Variants in STRN4 observed in about 807,000 individuals in gnomAD.
STRN4 encodes striatin 4, also known as striatin-4.
Under a neutral mutation model 77.9 loss-of-function variants are expected in STRN4, and 27 were observed. The observed-to-expected ratio is 0.35, with a 90% CI of 0.26 to 0.48. The LOEUF (loss-of-function observed/expected upper bound fraction) is 0.48. STRN4 is among the 20% of genes least tolerant of loss of function. The pLI, the probability that STRN4 is intolerant of heterozygous loss-of-function variation, is 0.99. For missense variants in STRN4, 798 were observed against 1,049.7 expected, an observed-to-expected ratio of 0.76 and a Z score of 3.31; for synonymous variants, 466 against 443.1, an observed-to-expected ratio of 1.05 and a Z score of -0.65.
chr19:46,746,279 C>T lies in STRN4; in HGVS notation c.152G>A (p.Gly51Glu). 1.4e-6 allele frequency: 2 copies of T among 1,453,688 alleles called. No homozygotes were observed. Among genetic ancestry groups the T allele is most frequent in the South Asian group, 2.6e-5 (2 of 76,762 alleles). 90.0% of individuals were successfully genotyped at this position (1,453,688 alleles called of 1,614,324 possible). A position where few individuals can be genotyped will look rare whatever the true frequency, so the allele number is the denominator to read the frequency against. ...PGPAGKGGGG[G>E]GSPGPTAGPE... ...GCCCGCCGTGGGCCCGGGGCTGCCT[C>T]CGCCGCCGCCTCCCTTACCTGCCGG... The change falls in exon 1 of 18, where the codon GGA (glycine) becomes GAA (glutamate). Residue 51 changes from glycine (G) to glutamate (E), a missense_variant. By Grantham distance (98) the Gly-to-Glu change is moderately conservative. Transcript: ENST00000263280.
chr19:46,725,054 G>A, intron 11 of STRN4, 126 bp from the exon 12 acceptor site: 10 of 1,427,014 alleles, frequency 7.0e-6, no homozygotes, highest in Non-Finnish European at 9.5e-6. Context: ...CTGGGGCTCT[G>A]GCCATGCTAC....
chr19:46,741,319 T>A lies in STRN4; in HGVS notation c.283-2431A>T, dbSNP rs1341619742. Among the ~76,000 whole-genome samples, 1 of 152,158 alleles carries A rather than the reference T, an allele frequency of 6.6e-6. No individual in the cohort carries two copies. Among genetic ancestry groups the A allele is most frequent in the Non-Finnish European group, 1.5e-5 (1 of 68,012 alleles). The stretch of plus-strand genomic sequence containing the variant: ...CCAACCAGACCTGTCACTGGCTGGG[T>A]TCCCCCTTCATCCCTCTGCTGCCTC... On this transcript the variant is annotated intron_variant, in intron 1 of 17. Coordinates refer to ENST00000263280, the MANE Select transcript of STRN4 (RefSeq NM_013403.3). The surrounding 1 kb of genome is among the most constrained non-coding windows in gnomAD (Gnocchi z 4.9).
chr19:46,745,325 T>A (rs191333935), intron 1 of STRN4, among the ~76,000 whole-genome samples: 1 of 152,198 alleles, frequency 6.6e-6, no homozygotes, highest in African/African-American at 2.4e-5. Flanking sequence ...CTAGGGTACA[T>A]TCCCTGCTCT....
At position 46,723,312 on chromosome 19, in the gene STRN4, CTG is replaced by C; in HGVS notation, c.1595-30_1595-29del. ...GCACCCACCGCAGGGAGGAAATGGGCTGTGTCAGGGCTGCCAGCTCCTCCCTG... is the reference window on the plus strand; with the variant it reads ...GCACCCACCGCAGGGAGGAAATGGGCTGTCAGGGCTGCCAGCTCCTCCCTG... On this transcript the variant is annotated intron_variant, in intron 12 of 17. Transcript: ENST00000263280. This position sits in a 1 kb window ranked among gnomAD's most constrained non-coding sequence, Gnocchi z 5.5. 8 of 1,522,172 alleles carry C rather than the reference CTG, an allele frequency of 5.3e-6. No homozygotes were observed. Among genetic ancestry groups the C allele is most frequent in the Non-Finnish European group, 7.0e-6 (8 of 1,134,954 alleles). 94.3% of individuals were successfully genotyped at this position (1,522,172 alleles called of 1,614,324 possible).
chr19:46,745,055 C>T (rs1021884164), intron 1 of STRN4, among the ~76,000 whole-genome samples: 7 of 151,316 alleles, frequency 4.6e-5, no homozygotes, highest in Non-Finnish European at 8.8e-5. Context: ...ACCCCCGTTC[C>T]GAGATGCCTC....
chr19:46,742,341 G>A (rs760105963), intron 1 of STRN4, among the ~76,000 whole-genome samples: 3 of 152,000 alleles, frequency 2.0e-5, no homozygotes, highest in South Asian at 2.1e-4. Flanking sequence ...AGGGTCGCAC[G>A]GCAGGTCTTC....
chr19:46,728,724 GTCGTCTTCCTCATCC>G lies in STRN4; in HGVS notation c.918_932del (p.Glu306_Asp310del). 1 of 1,614,198 alleles carries G rather than the reference GTCGTCTTCCTCATCC, an allele frequency of 6.2e-7. No homozygotes were observed. Among genetic ancestry groups the G allele is most frequent in the Non-Finnish European group, 8.5e-7 (1 of 1,180,012 alleles). On this transcript the variant is annotated inframe_deletion, in exon 7 of 18. Transcript: ENST00000263280. Reference sequence around the variant, plus strand: ...CAAACTCATTGATAGCATCCTCAGAGTCGTCTTCCTCATCCTCGTCTTCCATTTCGGGCACCAGAG... The same window carrying G: ...CAAACTCATTGATAGCATCCTCAGAGTCGTCTTCCATTTCGGGCACCAGAG...
intron 8 of STRN4, 119 bp downstream of exon 8, chr19:46,727,775 A>AGGCTGCAGACTGGAGGCTGGGC: frequency 1.1e-6 from 1 of 945,700 alleles, no homozygotes; most frequent in South Asian, 1.7e-5. Context: ...TGGGGCAGGG[A>AGGCTGCAGACTGGAGGCTGGGC]GGCTGCAGAC....
chr19:46,743,731 C>T (rs1030382418), intron 1 of STRN4, among the ~76,000 whole-genome samples: 1 of 152,044 alleles, frequency 6.6e-6, no homozygotes, highest in Non-Finnish European at 1.5e-5. Context: ...AAAACCCCAT[C>T]TCTACTAAAA....
rs1041010259 is a variant in STRN4, at chr19:46,745,871, C to G, written c.282+278G>C. The G allele has an allele frequency of 5.1e-5, 17 of 333,840 alleles. No homozygotes were observed. The South Asian group carries it at 1.1e-3, about 21-fold the overall frequency. The allele number at this position is 333,840 out of a possible 1,614,324, so 20.7% of individuals were successfully genotyped here. Reference sequence around the variant, plus strand: ...TCCCACTCCCAGCTGGTTGTGGTCCCTCCGCCCCTTTCTCTCGGCCGGTCC... The same window carrying G: ...TCCCACTCCCAGCTGGTTGTGGTCCGTCCGCCCCTTTCTCTCGGCCGGTCC... On this transcript the variant is annotated intron_variant, in intron 1 of 17. Coordinates refer to ENST00000263280, the MANE Select transcript of STRN4 (RefSeq NM_013403.3).
Position 46,733,025 on chromosome 19 carries a change from G to A in STRN4, c.737+14C>T, listed in dbSNP as rs758978604. On this transcript the variant is annotated intron_variant, in intron 5 of 17. Transcript: ENST00000263280. This position sits in a 1 kb window ranked among gnomAD's most constrained non-coding sequence, Gnocchi z 4.3. ...AGGAACAGAGAGACACACCTGCCAT[G>A]TCCACGGGCTCACCTCTTTATCTGC... The A allele has an allele frequency of 6.2e-7, 1 of 1,602,040 alleles. No homozygotes were observed. Among genetic ancestry groups the A allele is most frequent in the Admixed American group, 1.7e-5 (1 of 59,482 alleles).
chr19:46,737,894 A>G (rs1322104636), intron 3 of STRN4, among the ~76,000 whole-genome samples: 1 of 150,834 alleles, frequency 6.6e-6, no homozygotes, highest in Non-Finnish European at 1.5e-5. Flanking sequence ...CCTGGCGCCC[A>G]CTCCTCGCAA....
rs2054424725 is a variant in STRN4, at chr19:46,738,977, CCA to C, written c.283-91_283-90del. On this transcript the variant is annotated intron_variant, in intron 1 of 17. Coordinates refer to ENST00000263280, the MANE Select transcript of STRN4 (RefSeq NM_013403.3). This position sits in a 1 kb window ranked among gnomAD's most constrained non-coding sequence, Gnocchi z 4.5. The stretch of plus-strand genomic sequence containing the variant: ...TCACTCACCCAGGTATAGTGCCAGC[CCA>C]CAGTCACCCCACAGTAATGGGCAGC... 3.7e-6 allele frequency: 4 copies of C among 1,076,940 alleles called. No homozygotes were observed. Among genetic ancestry groups the C allele is most frequent in the East Asian group, 4.8e-5 (2 of 41,684 alleles). The allele number at this position is 1,076,940 out of a possible 1,614,324, so 66.7% of individuals were successfully genotyped here.
chr19:46,725,472 C>A lies in STRN4; in HGVS notation c.1424+1G>T. The A allele has an allele frequency of 6.2e-7, 1 of 1,613,982 alleles. No homozygotes were observed. The highest frequency in any genetic ancestry group is 8.5e-7 in the Non-Finnish European group (1 of 1,179,948). ...CCCGGCTCTGAGCTTGCTGCCCTCA[C>A]TTCTTGGCCGTGACCGCCTTCTGCA... On this transcript the variant is annotated splice_donor_variant, in intron 10 of 17. Coordinates refer to ENST00000263280, the MANE Select transcript of STRN4 (RefSeq NM_013403.3). LOFTEE classifies it high-confidence loss of function.
rs556278479 is a variant in STRN4 at position 46,741,938 on chromosome 19, G to A, written c.283-3050C>T. ...AGCTGAAGTGGGCAGGGGCAGCTCC[G>A]CACATTCTCTGCTGGCACCGCACTC... is the stretch of plus-strand genomic sequence containing the variant. On this transcript the variant is annotated intron_variant, in intron 1 of 17. Coordinates refer to ENST00000263280, the MANE Select transcript of STRN4 (RefSeq NM_013403.3). This position sits in a 1 kb window ranked among gnomAD's most constrained non-coding sequence, Gnocchi z 4.9. 2.3e-4 allele frequency among the ~76,000 whole-genome samples: 35 copies of A among 152,206 alleles called. No individual in the cohort carries two copies. The highest frequency in any genetic ancestry group is 4.9e-4 in the Non-Finnish European group (33 of 68,028).
chr19:46,725,726 G>A, intron 9 of STRN4, 78 bp from the exon 10 acceptor site: 1 of 1,541,752 alleles, frequency 6.5e-7, no homozygotes, highest in Non-Finnish European at 8.8e-7. Flanking sequence ...CAGGGCTTGA[G>A]GGCCCCTGTC....
In STRN4 at chr19:46,738,146, G is replaced by T. The variant is rs1190789752; in HGVS notation, c.460+18C>A. 1 of 1,613,074 alleles carries T rather than the reference G, an allele frequency of 6.2e-7. No individual in the cohort carries two copies. Among genetic ancestry groups the T allele is most frequent in the Non-Finnish European group, 8.5e-7 (1 of 1,179,098 alleles). ...CTGCGGGAGGGTGCCGACAGTGCGA[G>T]CATCAGAGGGTGGGTACCTTGTTCT... On this transcript the variant is annotated intron_variant, in intron 3 of 17. Transcript: ENST00000263280. This position sits in a 1 kb window ranked among gnomAD's most constrained non-coding sequence, Gnocchi z 4.5.
At chr19:46,744,836 C>T (rs1424253665) in intron 1 of STRN4, among the ~76,000 whole-genome samples, 2 of 151,988 alleles carry the variant, frequency 1.3e-5, no homozygotes, top group Non-Finnish European at 2.9e-5. Flanking sequence ...TTCAGACTTC[C>T]AGCGGGCCAT....
At chr19:46,724,316 T>G (rs998096179) in intron 12 of STRN4, among the ~76,000 whole-genome samples, 2 of 144,386 alleles carry the variant, frequency 1.4e-5, no homozygotes, top group Admixed American at 7.0e-5. Flanking sequence ...GAAGTGACAG[T>G]CTGGTCACTT....
Sources: allele counts gnomAD v4.1 joint callset (sites outside exome capture counted in the v4.1 genomes callset), GRCh38; gene constraint gnomAD v4.1.1; non-coding constraint Gnocchi (gnomAD v3.1); transcripts MANE v1.5; gene names NCBI Gene and HGNC (gene_info 2026-07-23, HGNC 2026-07-21).